UGT2B11: variants seen among roughly 807,000 people sequenced by gnomAD.
The protein encoded by UGT2B11 is UDP-glucuronosyltransferase 2B11.
Under a neutral mutation model 51.7 loss-of-function variants are expected in UGT2B11, and 49 were observed. The observed-to-expected ratio is 0.95, with a 90% confidence interval of 0.75 to 1.20. The LOEUF is 1.20. Ranked by LOEUF, UGT2B11 falls within the 50% of genes most tolerant of loss-of-function variation. The pLI is 0.00. For missense variants in UGT2B11, 810 were observed against 622.1 expected (o/e 1.30, Z -3.21); for synonymous variants, 273 against 209.0 (o/e 1.31, Z -2.64).
At chr4:69,212,858 A>G in intron 1 of UGT2B11, 137 bp from the exon 2 acceptor site, 1 of 717,018 alleles carries the variant, frequency 1.4e-6, no homozygotes, top group Non-Finnish European at 1.9e-6. Context: ...AATATATATG[A>G]ATAATATATT....
At chr4:69,203,181 A>G (rs1299825199) in intron 5 of UGT2B11, among the ~76,000 whole-genome samples, 1 of 151,730 alleles carries the variant, frequency 6.6e-6, no homozygotes, top group Admixed American at 6.6e-5. Flanking sequence ...ACAAATAGAA[A>G]AGTTAAAAAT....
upstream of UGT2B11, chr4:69,215,320 A>C (rs1276126573): frequency 1.3e-5 from 2 of 152,058 alleles, no homozygotes; most frequent in Non-Finnish European, 2.9e-5. Flanking sequence ...CCAGTAATCT[A>C]ATTTCTGCCT....
At chr4:69,215,616 T>C (rs1722247296), upstream of UGT2B11, 1 of 152,030 alleles carries the variant, frequency 6.6e-6, no homozygotes, top group Non-Finnish European at 1.5e-5. Context: ...GACATGTTTT[T>C]ATTTTTCTTG....
At chr4:69,207,542 T>C (rs772283837) in intron 3 of UGT2B11, among the ~76,000 whole-genome samples, 7 of 151,592 alleles carry the variant, frequency 4.6e-5, no homozygotes, top group Admixed American at 1.3e-4. Context: ...CCTTCCTATA[T>C]TTCCTTCTGC....
At chr4:69,212,786 A>G in intron 1 of UGT2B11, 65 bp from the exon 2 acceptor site, 4 of 1,541,866 alleles carry the variant, frequency 2.6e-6, no homozygotes, top group Non-Finnish European at 3.5e-6. Context: ...ACCTTTCTGA[A>G]AAAGGTTAGA....
At position 69,204,430 on chromosome 4, in the gene UGT2B11, A is replaced by G. The variant is rs1382886003; in HGVS notation, c.1310T>C (p.Leu437Ser). The change falls in exon 5 of 6, where the codon TTA (leucine) becomes TCA (serine). Residue 437 changes from leucine (L) to serine (S), a missense_variant and splice_region_variant. Physicochemically the swap from Leu to Ser is moderately radical, Grantham distance 145. Transcript: ENST00000446444. ...NALKTVINDP[L>S]YKENIMKLSR... ...TAGTGAAAAACATTGTTCTACTCAC[A>G]AAGGATCATTAATTACTGTCTTCAG... The G allele has an allele frequency of 2.7e-5, 43 of 1,611,516 alleles. No homozygotes were observed. The highest frequency in any genetic ancestry group is 3.3e-5 in the Non-Finnish European group (39 of 1,178,398).
intron 1 of UGT2B11, among the ~76,000 whole-genome samples, chr4:69,213,324 C>A (rs550945206): frequency 6.6e-6 from 1 of 151,784 alleles, no homozygotes; most frequent in African/African-American, 2.4e-5. Flanking sequence ...CTGTACTCAA[C>A]CTTAATCTGT....
At position 69,200,312 on chromosome 4, in the gene UGT2B11, A is replaced by AATTTTT. The variant is rs1721600684; in HGVS notation, c.*127_*128insAAAAAT. ...TTTACTTGACAAGGTAGATTTGAAA[A>AATTTTT]TTTTTTTTTTTTTTTTTTTTTTGTC... On this transcript the variant is annotated 3_prime_UTR_variant, in exon 6 of 6. Coordinates refer to ENST00000446444, the MANE Select transcript of UGT2B11 (RefSeq NM_001073.3). 1 of 724,048 alleles carries AATTTTT rather than the reference A, an allele frequency of 1.4e-6. No individual in the cohort carries two copies. Among genetic ancestry groups the AATTTTT allele is most frequent in the South Asian group, 5.7e-5 (1 of 17,402 alleles). The allele number at this position is 724,048 out of a possible 1,614,324, so 44.9% of individuals were successfully genotyped here.
chr4:69,209,081 A>T (rs1433164681), intron 2 of UGT2B11, among the ~76,000 whole-genome samples: 1 of 151,620 alleles, frequency 6.6e-6, no homozygotes, highest in African/African-American at 2.4e-5. Flanking sequence ...AAAATAAAAA[A>T]TGAAAATAAA....
chr4:69,210,674 G>A (rs1038447560), intron 2 of UGT2B11, among the ~76,000 whole-genome samples: 1 of 151,474 alleles, frequency 6.6e-6, no homozygotes, highest in South Asian at 2.1e-4. Context: ...TCTTTCAAGA[G>A]TAATGTAGAG....
intron 2 of UGT2B11, among the ~76,000 whole-genome samples, chr4:69,210,192 A>G (rs1722008920): frequency 6.6e-6 from 1 of 151,610 alleles, no homozygotes; most frequent in South Asian, 2.1e-4. Flanking sequence ...AATTATTTTA[A>G]TGCTATTGTA....
chr4:69,212,849 A>T, intron 1 of UGT2B11, 128 bp from the exon 2 acceptor site: 1 of 794,560 alleles, frequency 1.3e-6, no homozygotes. Flanking sequence ...AAATATATAA[A>T]TATATATGAA....
upstream of UGT2B11, among the ~76,000 whole-genome samples, chr4:69,217,784 A>G (rs1317020075): frequency 6.6e-6 from 1 of 152,034 alleles, no homozygotes; most frequent in Non-Finnish European, 1.5e-5. Context: ...AAAATACCAT[A>G]CATTGCCTAG....
At chr4:69,222,884 G>T in the UGT2B11 span, among the ~76,000 whole-genome samples, 2 of 152,124 alleles carry the variant, frequency 1.3e-5, no homozygotes, top group African/African-American at 4.8e-5. Flanking sequence ...TTCTCTTTCC[G>T]ATGCACCTTT....
rs1479434922 is a variant in UGT2B11, at chr4:69,208,490, A to C, written c.871-8T>G. ...TACAAACTCCTCCATTTCCTGTGAA[A>C]AAAAAATTGTTTCATCACAAAAGAG... On this transcript the variant is annotated splice_polypyrimidine_tract_variant and splice_region_variant and intron_variant, in intron 2 of 5. Coordinates refer to ENST00000446444, the MANE Select transcript of UGT2B11 (RefSeq NM_001073.3). 1.9e-6 allele frequency: 3 copies of C among 1,607,228 alleles called. No individual in the cohort carries two copies. The highest frequency in any genetic ancestry group is 2.5e-6 in the Non-Finnish European group (3 of 1,177,328).
chr4:69,216,312 T>C (rs1409488724), upstream of UGT2B11: 1 of 152,070 alleles, frequency 6.6e-6, no homozygotes, highest in Non-Finnish European at 1.5e-5. Context: ...TTTGCATCTT[T>C]GAATCATATG....
upstream of UGT2B11, among the ~76,000 whole-genome samples, chr4:69,218,605 C>G (rs1722333776): frequency 6.6e-6 from 1 of 151,934 alleles, no homozygotes; most frequent in South Asian, 2.1e-4. Flanking sequence ...GAAAAGTCTC[C>G]TTGGAAGTGT....
Position 69,208,429 on chromosome 4 carries a change from A to G in UGT2B11, c.924T>C (p.Ser308=). 6.2e-7 allele frequency: 1 copy of G among 1,610,386 alleles called. No homozygotes were observed. Among genetic ancestry groups the G allele is most frequent in the East Asian group, 2.2e-5 (1 of 44,764 alleles). ...TCATGTTACTTATCACTGACCCCAG[A>G]GAAAACACCACAACACCATTTTCTC... ...SSGENGVVVF[S]LGSVISNMTA... Residue 308 remains serine, a synonymous_variant, in exon 3 of 6, where the codon TCT becomes TCC. Transcript: ENST00000446444.
At chr4:69,222,823 A>C in the UGT2B11 span, among the ~76,000 whole-genome samples, 1 of 152,184 alleles carries the variant, frequency 6.6e-6, no homozygotes, top group Admixed American at 6.5e-5. Flanking sequence ...TTCTCCTCCT[A>C]CTGCTTATAA....
Sources: allele counts gnomAD v4.1 joint callset (sites outside exome capture counted in the v4.1 genomes callset), GRCh38; gene constraint gnomAD v4.1.1; transcripts MANE v1.5; gene names NCBI Gene and HGNC (gene_info 2026-07-23, HGNC 2026-07-21).